RBPMS: variants seen among roughly 807,000 people sequenced by gnomAD.
RBPMS encodes RNA binding protein, mRNA processing factor, also known as RNA-binding protein with multiple splicing.
RBPMS carries 7 observed loss-of-function variants against 26.8 expected under a neutral mutation model. The observed-to-expected ratio is 0.26, with a 90% CI of 0.15 to 0.49. The LOEUF (loss-of-function observed/expected upper bound fraction) is 0.49. Ranked by LOEUF, RBPMS falls within the 20% of genes least tolerant of loss-of-function variation. The pLI is 0.98. For synonymous variants in RBPMS, 96 were observed against 93.3 expected, an observed-to-expected ratio of 1.03 and a Z score of -0.17; for missense variants, 186 against 250.0, an observed-to-expected ratio of 0.74 and a Z score of 1.73.
At chr8:30,528,581 G>T (rs966600393) in intron 5 of RBPMS, among the ~76,000 whole-genome samples, 1 of 152,164 alleles carries the variant, frequency 6.6e-6, no homozygotes, top group Non-Finnish European at 1.5e-5. Context: ...CAATAATGAG[G>T]ATGATAGCAG....
intron 6 of RBPMS, among the ~76,000 whole-genome samples, chr8:30,547,888 T>C (rs148496761): frequency 6.6e-6 from 1 of 152,172 alleles, no homozygotes; most frequent in African/African-American, 2.4e-5. Context: ...AAAGTGTCAT[T>C]GAAAAGAAGT....
intron 1 of RBPMS, among the ~76,000 whole-genome samples, chr8:30,434,195 A>C (rs1340764483): frequency 6.6e-6 from 1 of 152,184 alleles, no homozygotes; most frequent in Non-Finnish European, 1.5e-5. Context: ...AAGGTATAAA[A>C]TGAAGGAGCT....
intron 4 of RBPMS, among the ~76,000 whole-genome samples, chr8:30,494,695 C>G (rs1015917089): frequency 6.6e-6 from 1 of 152,170 alleles, no homozygotes; most frequent in Non-Finnish European, 1.5e-5. Flanking sequence ...ATAATTGTGA[C>G]TATAATTAAC....
At chr8:30,497,187 C>G (rs541654282) in intron 4 of RBPMS, among the ~76,000 whole-genome samples, 1 of 152,134 alleles carries the variant, frequency 6.6e-6, no homozygotes, top group Non-Finnish European at 1.5e-5. Context: ...ATTTCCTTTT[C>G]TCCTGTTGAA....
intron 1 of RBPMS, among the ~76,000 whole-genome samples, chr8:30,417,512 T>G (rs1432402817): frequency 1.3e-5 from 2 of 152,168 alleles, no homozygotes; most frequent in East Asian, 3.8e-4. Context: ...ATTATGAAGT[T>G]TTCAGTAATT....
intron 5 of RBPMS, among the ~76,000 whole-genome samples, chr8:30,535,573 T>C (rs1162571749): frequency 6.6e-6 from 1 of 152,168 alleles, no homozygotes; most frequent in Non-Finnish European, 1.5e-5. Flanking sequence ...ATCAAAGAAA[T>C]CTACATTAAA....
intron 6 of RBPMS, chr8:30,544,897 G>T: frequency 6.7e-7 from 1 of 1,486,620 alleles, no homozygotes; most frequent in Admixed American, 2.1e-5. Context: ...AGAGACCGGG[G>T]CAGGTTTATC....
chr8:30,423,606 A>T (rs1811043536), intron 1 of RBPMS, among the ~76,000 whole-genome samples: 1 of 144,574 alleles, frequency 6.9e-6, no homozygotes, highest in Non-Finnish European at 1.5e-5. Flanking sequence ...GTGTCTCAGG[A>T]CCAAACAATC....
At chr8:30,455,133 G>C (rs1815053488) in intron 1 of RBPMS, among the ~76,000 whole-genome samples, 1 of 152,104 alleles carries the variant, frequency 6.6e-6, no homozygotes, top group African/African-American at 2.4e-5. Flanking sequence ...TCAAATTCTT[G>C]TATTTTATAA....
chr8:30,431,138 A>G (rs1811878630), intron 1 of RBPMS, among the ~76,000 whole-genome samples: 2 of 152,282 alleles, frequency 1.3e-5, no homozygotes, highest in Admixed American at 1.3e-4. Context: ...TTCTACATAT[A>G]CTGGGGAGCA....
intron 1 of RBPMS, among the ~76,000 whole-genome samples, chr8:30,454,135 C>T (rs377095287): frequency 5.9e-5 from 9 of 152,230 alleles, no homozygotes; most frequent in African/African-American, 1.7e-4. Flanking sequence ...ACATACTTTA[C>T]CCCAGCAGCA....
intron 4 of RBPMS, among the ~76,000 whole-genome samples, chr8:30,484,807 G>A (rs1818622420): frequency 6.6e-6 from 1 of 152,058 alleles, no homozygotes; most frequent in Admixed American, 6.6e-5. Flanking sequence ...ATAAATTCCT[G>A]GCATTCAAAT....
At chr8:30,478,396 A>C (rs1459805598) in intron 3 of RBPMS, among the ~76,000 whole-genome samples, 1 of 152,152 alleles carries the variant, frequency 6.6e-6, no homozygotes, top group Non-Finnish European at 1.5e-5. Context: ...TCTCTGGCTC[A>C]TGAGAAGAAT....
rs779115228 is a variant in RBPMS at position 30,531,131 on chromosome 8, TC to T, written c.398-13359del. Among the ~76,000 whole-genome samples, 4 of 152,108 alleles carry T rather than the reference TC, an allele frequency of 2.6e-5. No individual in the cohort carries two copies. In the South Asian group the frequency reaches 8.3e-4, roughly 32 times the overall value. On this transcript the variant is annotated intron_variant, in intron 5 of 8. Transcript: ENST00000397323. ...GATTTGAACATTAAGGTATTTCCCGTCCCCTAATTAAAAAAAAAACTTTATA... is the reference window on the plus strand; with the variant it reads ...GATTTGAACATTAAGGTATTTCCCGTCCCTAATTAAAAAAAAAACTTTATA...
chr8:30,460,305 C>T (rs1441490246), intron 1 of RBPMS, among the ~76,000 whole-genome samples: 1 of 152,188 alleles, frequency 6.6e-6, no homozygotes, highest in African/African-American at 2.4e-5. Context: ...GTTAAGTAAA[C>T]TAGTTTGCGA....
At chr8:30,554,204 T>C (rs1022064634) in intron 6 of RBPMS, among the ~76,000 whole-genome samples, 17 of 152,210 alleles carry the variant, frequency 1.1e-4, no homozygotes, top group Non-Finnish European at 1.6e-4. Flanking sequence ...AGCTGCTCCA[T>C]GTACATGAGA....
intron 5 of RBPMS, among the ~76,000 whole-genome samples, chr8:30,505,527 A>G (rs565031286): frequency 7.9e-5 from 12 of 152,324 alleles, no homozygotes; most frequent in East Asian, 1.9e-4. Context: ...AAATGTTTCT[A>G]TGAATCCAGA....
In RBPMS at chr8:30,520,827, A is replaced by AT. The variant is rs540979383; in HGVS notation, c.397+16403dup. Among the ~76,000 whole-genome samples, 209 of 147,482 alleles carry AT rather than the reference A, an allele frequency of 1.4e-3. 3 individuals are homozygous for AT. In the East Asian group the frequency reaches 0.015, roughly 11 times the overall value. Reference sequence around the variant, plus strand: ...AATAAAATTTTTAGAAAGGAAATAGATTTTTTTTTTTTAATTACTAAGATT... The same window carrying AT: ...AATAAAATTTTTAGAAAGGAAATAGATTTTTTTTTTTTTAATTACTAAGATT... On this transcript the variant is annotated intron_variant, in intron 5 of 8. Transcript: ENST00000397323.
intron 1 of RBPMS, among the ~76,000 whole-genome samples, chr8:30,447,313 C>G (rs1173135238): frequency 6.6e-6 from 1 of 152,152 alleles, no homozygotes; most frequent in African/African-American, 2.4e-5. Context: ...TCAACCTGTA[C>G]AGTATTAACT....
Sources: gnomAD v4.1 joint callset for allele counts (sites outside exome capture counted in the v4.1 genomes callset) on GRCh38, gnomAD v4.1.1 for gene constraint, MANE v1.5 for transcripts, NCBI Gene and HGNC (gene_info 2026-07-23, HGNC 2026-07-21) for gene names.